MAML3: variants seen among roughly 807,000 people sequenced by gnomAD.
The protein encoded by MAML3 is mastermind like transcriptional coactivator 3.
In MAML3, 27 loss-of-function variants were observed where a neutral mutation model predicts 101.9. The observed-to-expected ratio is 0.27, with a 90% CI of 0.20 to 0.37. The LOEUF is 0.37. MAML3 is among the 10% of genes least tolerant of loss of function. The pLI, the probability that MAML3 is intolerant of heterozygous loss-of-function variation, is 1.00. For missense variants in MAML3, 1,316 were observed against 1,444.9 expected, an observed-to-expected ratio of 0.91 and a Z score of 1.45; for synonymous variants, 501 against 555.9, an observed-to-expected ratio of 0.90 and a Z score of 1.39.
chr4:139,772,044 C>A (rs1383055063), intron 2 of MAML3, among the ~76,000 whole-genome samples: 5 of 150,578 alleles, frequency 3.3e-5, no homozygotes, highest in Non-Finnish European at 5.9e-5. Flanking sequence ...TCCAGACCAT[C>A]CTGGCTAACA....
intron 2 of MAML3, among the ~76,000 whole-genome samples, chr4:139,788,712 T>A (rs1429102150): frequency 6.6e-6 from 1 of 152,266 alleles, no homozygotes; most frequent in South Asian, 2.1e-4. Flanking sequence ...GAATAGCTTT[T>A]CTTAGAAATT....
At chr4:139,762,398 A>G (rs1010779947) in intron 2 of MAML3, among the ~76,000 whole-genome samples, 1 of 152,178 alleles carries the variant, frequency 6.6e-6, no homozygotes, top group African/African-American at 2.4e-5. Context: ...GATTGTGATT[A>G]TCATTCATTT....
intron 2 of MAML3, among the ~76,000 whole-genome samples, chr4:139,808,637 T>A (rs809478): frequency 0.36 from 54,831 of 151,992 alleles, 10,291 homozygotes; most frequent in East Asian, 0.6. Context: ...ACAAAGCCAG[T>A]CACTGCCATT....
chr4:139,930,580 A>G (rs1733368148), intron 1 of MAML3, among the ~76,000 whole-genome samples: 1 of 152,154 alleles, frequency 6.6e-6, no homozygotes, highest in African/African-American at 2.4e-5. Flanking sequence ...CAAGCACTGA[A>G]ACACAGTAGC....
intron 1 of MAML3, among the ~76,000 whole-genome samples, chr4:139,966,965 T>C (rs186346089): frequency 1.1e-4 from 16 of 152,264 alleles, no homozygotes; most frequent in East Asian, 1.9e-4. Context: ...CTGAGGGACA[T>C]AGACATGAAC....
At chr4:139,924,088 A>T (rs1288454951) in intron 1 of MAML3, among the ~76,000 whole-genome samples, 1 of 152,240 alleles carries the variant, frequency 6.6e-6, no homozygotes, top group East Asian at 1.9e-4. Context: ...ACAGAATAAA[A>T]AAAGTGATAC....
intron 1 of MAML3, among the ~76,000 whole-genome samples, chr4:140,144,716 T>C (rs1729028578): frequency 6.6e-6 from 1 of 152,086 alleles, no homozygotes; most frequent in Non-Finnish European, 1.5e-5. Flanking sequence ...TTCAGCAAGT[T>C]CTCCAAGTTC....
At chr4:139,910,000 A>T (rs1032539333) in intron 1 of MAML3, among the ~76,000 whole-genome samples, 10 of 150,666 alleles carry the variant, frequency 6.6e-5, no homozygotes, top group African/African-American at 1.5e-4. Flanking sequence ...GCAAAGAGAT[A>T]AAAAAAAACA....
At chr4:139,742,506 G>A (rs1314385560) in intron 2 of MAML3, among the ~76,000 whole-genome samples, 1 of 152,176 alleles carries the variant, frequency 6.6e-6, no homozygotes, top group African/African-American at 2.4e-5. Flanking sequence ...ATTCAGCAGT[G>A]CTTGGCTTAT....
intron 1 of MAML3, among the ~76,000 whole-genome samples, chr4:139,909,483 T>G (rs1732879335): frequency 1.3e-5 from 2 of 152,098 alleles, no homozygotes; most frequent in Admixed American, 6.5e-5. Context: ...ATAGAACAGC[T>G]TAGTTTTTAA....
At chr4:139,805,777 A>C (rs1244453851) in intron 2 of MAML3, among the ~76,000 whole-genome samples, 1 of 152,186 alleles carries the variant, frequency 6.6e-6, no homozygotes, top group Non-Finnish European at 1.5e-5. Context: ...TGGGAGGAGA[A>C]GCTAAGGAAG....
chr4:139,730,249 C>G (rs1184794506), intron 3 of MAML3, 167 bp downstream of exon 3: 4 of 649,148 alleles, frequency 6.2e-6, no homozygotes, highest in African/African-American at 1.8e-5. Context: ...AAAACCCTAA[C>G]TAATTGAAAG....
intron 4 of MAML3, among the ~76,000 whole-genome samples, chr4:139,721,763 C>T (rs1481146878): frequency 1.3e-5 from 2 of 152,130 alleles, no homozygotes; most frequent in Non-Finnish European, 2.9e-5. Context: ...GAAATGTTTT[C>T]ATATATTTTT....
In MAML3 at chr4:139,972,215, C is replaced by T. The variant is rs1734245238; in HGVS notation, c.469-81248G>A. On this transcript the variant is annotated intron_variant, in intron 1 of 4. Coordinates refer to ENST00000509479, the MANE Select transcript of MAML3 (RefSeq NM_018717.5). The stretch of plus-strand genomic sequence containing the variant: ...GCTATTTTTCCTGATCCTCTCCCTC[C>T]TTCCCCCACCACTCTCCACAAAATG... 2.0e-5 allele frequency among the ~76,000 whole-genome samples: 3 copies of T among 152,124 alleles called. No individual in the cohort carries two copies. In the South Asian group the frequency reaches 6.2e-4, roughly 31 times the overall value.
chr4:139,812,902 AGAG>A (rs1730828847), intron 2 of MAML3, among the ~76,000 whole-genome samples: 1 of 151,874 alleles, frequency 6.6e-6, no homozygotes, highest in Admixed American at 6.6e-5. Context: ...AAATAAATAC[AGAG>A]AAGAGAGAAA....
chr4:139,789,413 G>A (rs1209919978), intron 2 of MAML3, among the ~76,000 whole-genome samples: 1 of 152,102 alleles, frequency 6.6e-6, no homozygotes, highest in Non-Finnish European at 1.5e-5. Context: ...TCACAAGAGG[G>A]GTGGGTAGAG....
intron 1 of MAML3, among the ~76,000 whole-genome samples, chr4:139,926,761 G>A (rs1733271003): frequency 6.6e-6 from 1 of 152,140 alleles, no homozygotes; most frequent in Non-Finnish European, 1.5e-5. Flanking sequence ...TTCCCTCAAG[G>A]TTAACCATAT....
intron 1 of MAML3, among the ~76,000 whole-genome samples, chr4:140,108,066 T>C (rs1728381398): frequency 6.6e-6 from 1 of 152,124 alleles, no homozygotes; most frequent in Non-Finnish European, 1.5e-5. Flanking sequence ...AAAAGACATA[T>C]TGGGCTTGTC....
chr4:140,019,490 T>C (rs556415361), intron 1 of MAML3, among the ~76,000 whole-genome samples: 1 of 152,344 alleles, frequency 6.6e-6, no homozygotes, highest in South Asian at 2.1e-4. Context: ...AATGAATGCA[T>C]GAACAAATAG....
Sources: allele counts gnomAD v4.1 joint callset (sites outside exome capture counted in the v4.1 genomes callset), GRCh38; gene constraint gnomAD v4.1.1; transcripts MANE v1.5; gene names NCBI Gene and HGNC (gene_info 2026-07-23, HGNC 2026-07-21).